WWP1: variants seen among roughly 807,000 people sequenced by gnomAD.
The protein encoded by WWP1 is WW domain containing E3 ubiquitin protein ligase 1, also known as NEDD4-like E3 ubiquitin-protein ligase WWP1.
In WWP1, 49 loss-of-function variants were observed where a neutral mutation model predicts 130.6. That is an observed-to-expected ratio of 0.38 (90% CI 0.30 to 0.48). WWP1 has a LOEUF of 0.48. Ranked by LOEUF, WWP1 falls within the 20% of genes least tolerant of loss-of-function variation. The pLI is 0.99. For synonymous variants in WWP1, 332 were observed against 367.8 expected (o/e 0.90, Z 1.11); for missense variants, 809 against 1,100.6 (o/e 0.74, Z 3.75).
intron 9 of WWP1, 134 bp downstream of exon 9, chr8:86,412,008 T>G: frequency 1.2e-6 from 1 of 851,580 alleles, no homozygotes; most frequent in Non-Finnish European, 1.8e-6. Flanking sequence ...ATCATACTAT[T>G]TATTTACTTG....
At chr8:86,367,760 A>G (rs1824054696) in intron 1 of WWP1, among the ~76,000 whole-genome samples, 1 of 152,180 alleles carries the variant, frequency 6.6e-6, no homozygotes, top group African/African-American at 2.4e-5. Flanking sequence ...GTCTTCTCAT[A>G]TCCTGGGGAC....
intron 11 of WWP1, among the ~76,000 whole-genome samples, chr8:86,428,377 G>GA (rs142220936): frequency 0.054 from 8,256 of 152,106 alleles, 314 homozygotes; most frequent in Non-Finnish European, 0.086. Context: ...GAGAGGAGTG[G>GA]AAAAAACAAA....
intron 16 of WWP1, among the ~76,000 whole-genome samples, chr8:86,435,992 T>A (rs112522183): frequency 0.02 from 3,061 of 152,268 alleles, 51 homozygotes; most frequent in Middle Eastern, 0.065. Flanking sequence ...AGCCACTGCA[T>A]CTGGCCTGAG....
At chr8:86,407,672 A>G (rs1029637909) in intron 8 of WWP1, among the ~76,000 whole-genome samples, 3 of 152,154 alleles carry the variant, frequency 2.0e-5, no homozygotes, top group Non-Finnish European at 2.9e-5. Context: ...GTATTGAAGA[A>G]CCAACATTTG....
At chr8:86,439,808 G>T (rs777504729) in intron 17 of WWP1, among the ~76,000 whole-genome samples, 2 of 152,066 alleles carry the variant, frequency 1.3e-5, no homozygotes, top group Non-Finnish European at 2.9e-5. Context: ...AAAACATTTT[G>T]ATTAAATCTT....
At position 86,397,808 on chromosome 8, in the gene WWP1, C is replaced by T. The variant is rs1001313420; in HGVS notation, c.335-534C>T. 6.6e-5 allele frequency among the ~76,000 whole-genome samples: 10 copies of T among 152,124 alleles called. No individual in the cohort carries two copies. The South Asian group carries it at 1.5e-3, about 22-fold the overall frequency. ...GATTGTCACAATATGTAGCATTTAT[C>T]GAGCACTTATAAACTGTGCCTCAGA... On this transcript the variant is annotated intron_variant, in intron 5 of 24. Transcript: ENST00000517970.
chr8:86,439,888 A>T (rs1810501378), intron 17 of WWP1, among the ~76,000 whole-genome samples: 1 of 152,234 alleles, frequency 6.6e-6, no homozygotes, highest in South Asian at 2.1e-4. Flanking sequence ...GGTGTACAGA[A>T]TTACAAAATC....
In WWP1 at chr8:86,442,662, T is replaced by C. The variant is rs1372703186; in HGVS notation, c.1882T>C (p.Tyr628His). ...TTCACATGAAGTTTTGAACCCAATG[T>C]ATTGCTTATTTGAGTATGCGGGCAA... is the stretch of plus-strand genomic sequence containing the variant. ...LLSHEVLNPM[Y>H]CLFEYAGKNN... The change falls in exon 18 of 25, where the codon TAT (tyrosine) becomes CAT (histidine). Residue 628 changes from tyrosine to histidine, a missense_variant. Physicochemically the swap from Tyr to His is moderately conservative, Grantham distance 83. This residue lies in a region of WWP1 where 450 missense variants were observed against 674.2 expected (regional missense o/e 0.67). Transcript: ENST00000517970. 3 of 1,611,608 alleles carry C rather than the reference T, an allele frequency of 1.9e-6. No homozygotes were observed. The highest frequency in any genetic ancestry group is 1.3e-5 in the African/African-American group (1 of 74,860).
At chr8:86,437,616 T>G (rs1810363429) in intron 16 of WWP1, among the ~76,000 whole-genome samples, 2 of 152,170 alleles carry the variant, frequency 1.3e-5, no homozygotes, top group African/African-American at 4.8e-5. Context: ...TAGTTGACCC[T>G]TAAACAACAC....
intron 1 of WWP1, among the ~76,000 whole-genome samples, chr8:86,348,464 C>G (rs1200606266): frequency 6.6e-6 from 1 of 152,038 alleles, no homozygotes; most frequent in Non-Finnish European, 1.5e-5. Context: ...GTGATCTGCC[C>G]GCCTCAGCCT....
chr8:86,389,646 GC>G (rs1035459745), intron 5 of WWP1, among the ~76,000 whole-genome samples: 3 of 152,290 alleles, frequency 2.0e-5, no homozygotes, highest in Admixed American at 6.5e-5. Context: ...CATCATCATG[GC>G]CCGTTCTCAA....
At chr8:86,401,973 G>A (rs373738847) in intron 7 of WWP1, 46 bp from the exon 8 acceptor site, 9 of 1,415,714 alleles carry the variant, frequency 6.4e-6, no homozygotes, top group African/African-American at 1.5e-5. Flanking sequence ...ATGAAATGTT[G>A]TTGAATTATA....
At chr8:86,461,021 G>A (rs919893730) in intron 22 of WWP1, among the ~76,000 whole-genome samples, 2 of 151,816 alleles carry the variant, frequency 1.3e-5, no homozygotes, top group Non-Finnish European at 2.9e-5. Context: ...ATGTTAGCCA[G>A]GATGATCTCG....
At chr8:86,461,945 T>A in intron 24 of WWP1, 99 bp downstream of exon 24, 1 of 921,962 alleles carries the variant, frequency 1.1e-6, no homozygotes, top group Non-Finnish European at 1.7e-6. Flanking sequence ...TGCTTATTCA[T>A]TAAAGTAGTC....
At chr8:86,409,847 G>A (rs796607451) in intron 8 of WWP1, among the ~76,000 whole-genome samples, 4 of 151,848 alleles carry the variant, frequency 2.6e-5, no homozygotes, top group Admixed American at 6.6e-5. Flanking sequence ...GCCACAGAGC[G>A]AGACACCTTC....
chr8:86,385,366 A>T (rs901380748), intron 5 of WWP1, among the ~76,000 whole-genome samples: 1 of 152,200 alleles, frequency 6.6e-6, no homozygotes, highest in Non-Finnish European at 1.5e-5. Flanking sequence ...GAGGAAAGAA[A>T]GTAGGCTGAG....
intron 18 of WWP1, among the ~76,000 whole-genome samples, chr8:86,445,294 A>G (rs1157142342): frequency 1.3e-5 from 2 of 152,160 alleles, no homozygotes; most frequent in African/African-American, 4.8e-5. Context: ...ATGCTCAGGT[A>G]GTGAACGTAG....
In WWP1 at chr8:86,466,942, A is replaced by G. The variant is rs1175294610; in HGVS notation, c.*49A>G. ...GCTCTTGCATTTAAATACCCCAGCC[A>G]AGAAAAATTGCACAGATAGTGTATA... On this transcript the variant is annotated 3_prime_UTR_variant, in exon 25 of 25. Coordinates refer to ENST00000517970, the MANE Select transcript of WWP1 (RefSeq NM_007013.4). The G allele has an allele frequency of 7.1e-7, 1 of 1,408,504 alleles. No individual in the cohort carries two copies. Among genetic ancestry groups the G allele is most frequent in the East Asian group, 2.3e-5 (1 of 43,644 alleles). 87.3% of individuals were successfully genotyped at this position (1,408,504 alleles called of 1,614,324 possible). A position where few individuals can be genotyped will look rare whatever the true frequency, so the allele number is the denominator to read the frequency against.
intron 2 of WWP1, among the ~76,000 whole-genome samples, chr8:86,370,702 A>T (rs1824235924): frequency 6.6e-6 from 1 of 152,112 alleles, no homozygotes; most frequent in Non-Finnish European, 1.5e-5. Context: ...AGTTGGAAGA[A>T]TTTCTTCATG....
Sources: gnomAD v4.1 joint callset for allele counts (sites outside exome capture counted in the v4.1 genomes callset) on GRCh38, gnomAD v4.1.1 for gene constraint, gnomAD v4.1.1 regional missense constraint, MANE v1.5 for transcripts, NCBI Gene and HGNC (gene_info 2026-07-23, HGNC 2026-07-21) for gene names.